Variants in CNBD1 observed in about 807,000 individuals in gnomAD.
CNBD1 encodes cyclic nucleotide-binding domain-containing protein 1.
A neutral mutation model predicts 54.4 loss-of-function variants in CNBD1; 71 were observed. The observed-to-expected ratio is 1.30, with a 90% CI of 1.08 to 1.59. CNBD1 has a LOEUF of 1.59. CNBD1 is among the 40% of genes most tolerant of loss of function. The pLI, the probability that CNBD1 is intolerant of heterozygous loss-of-function variation, is 0.00. For missense variants in CNBD1, 659 were observed against 518.0 expected, an observed-to-expected ratio of 1.27 and a Z score of -2.64; for synonymous variants, 182 against 170.7, an observed-to-expected ratio of 1.07 and a Z score of -0.51.
chr8:87,360,047 G>A (rs1810496638), intron 10 of CNBD1, among the ~76,000 whole-genome samples: 1 of 151,902 alleles, frequency 6.6e-6, no homozygotes, highest in African/African-American at 2.4e-5. Context: ...AGGTATATGG[G>A]TTATACTCTC....
chr8:87,269,770 T>TA (rs1327753687), intron 6 of CNBD1, among the ~76,000 whole-genome samples: 4 of 151,918 alleles, frequency 2.6e-5, no homozygotes, highest in Non-Finnish European at 5.9e-5. Flanking sequence ...GAATCAGCAA[T>TA]AAAAAACCTA....
At chr8:87,105,642 G>A (rs1811518422) in intron 4 of CNBD1, among the ~76,000 whole-genome samples, 1 of 152,128 alleles carries the variant, frequency 6.6e-6, no homozygotes, top group Non-Finnish European at 1.5e-5. Flanking sequence ...TGGGAAAAAA[G>A]CATGGCCTCC....
At chr8:87,425,395 CT>C (rs1804383712) in intron 2 of CNBD1, among the ~76,000 whole-genome samples, 1 of 152,186 alleles carries the variant, frequency 6.6e-6, no homozygotes, top group African/African-American at 2.4e-5. Flanking sequence ...GAGAGGCGCT[CT>C]GATTTTTAGA....
chr8:87,137,799 G>T (rs1279877354), intron 4 of CNBD1, among the ~76,000 whole-genome samples: 1 of 152,132 alleles, frequency 6.6e-6, no homozygotes, highest in Non-Finnish European at 1.5e-5. Context: ...ATAAGGATGG[G>T]ATGTAGAAGG....
At chr8:87,290,465 A>T (rs563256196) in intron 8 of CNBD1, among the ~76,000 whole-genome samples, 1 of 152,222 alleles carries the variant, frequency 6.6e-6, no homozygotes, top group Admixed American at 6.6e-5. Context: ...TACACATATT[A>T]TTTCACACAA....
chr8:87,058,720 G>A (rs1184709451), intron 4 of CNBD1, among the ~76,000 whole-genome samples: 2 of 152,194 alleles, frequency 1.3e-5, no homozygotes, highest in African/African-American at 2.4e-5. Flanking sequence ...CACGCAGTAG[G>A]AAGGCCCTGG....
chr8:87,025,008 G>T (rs1037395687), intron 4 of CNBD1, among the ~76,000 whole-genome samples: 1 of 152,166 alleles, frequency 6.6e-6, no homozygotes. Flanking sequence ...AGGCCAAATT[G>T]TTGGGTGAGA....
At chr8:87,388,773 C>A (rs866981708) in intron 2 of CNBD1, among the ~76,000 whole-genome samples, 1 of 152,158 alleles carries the variant, frequency 6.6e-6, no homozygotes, top group East Asian at 1.9e-4. Context: ...TATCCTGATA[C>A]CAAAGCCGGG....
rs770418979 is a variant in CNBD1, at chr8:86,939,778, T to C, written c.431+24T>C. 118 of 1,365,964 alleles carry C rather than the reference T, an allele frequency of 8.6e-5. 1 individual carries two copies. In the South Asian group the frequency reaches 1.4e-3, roughly 17 times the overall value. 84.6% of individuals were successfully genotyped at this position (1,365,964 alleles called of 1,614,324 possible). ...TTGTAAGTATTTAAAATATATTCCTTCTTCTAATTGAGTAATTCTTTTGAA... is the reference window on the plus strand; with the variant it reads ...TTGTAAGTATTTAAAATATATTCCTCCTTCTAATTGAGTAATTCTTTTGAA... On this transcript the variant is annotated intron_variant, in intron 4 of 10. Coordinates refer to ENST00000518476, the MANE Select transcript of CNBD1 (RefSeq NM_173538.3).
At chr8:87,385,654 G>C (rs13274288), downstream of CNBD1, among the ~76,000 whole-genome samples, 42,688 of 151,986 alleles carry the variant, frequency 0.28, 6,706 homozygotes, top group Middle Eastern at 0.41. Flanking sequence ...CGCAGCACAA[G>C]GAGGCCTACC....
intron 10 of CNBD1, among the ~76,000 whole-genome samples, chr8:87,379,677 A>G (rs901456525): frequency 5.3e-5 from 8 of 151,996 alleles, no homozygotes; most frequent in Non-Finnish European, 8.8e-5. Flanking sequence ...TAATGATGAA[A>G]CATTATTGCA....
chr8:86,875,464 C>T (rs1031169861), intron 1 of CNBD1, among the ~76,000 whole-genome samples: 1 of 152,214 alleles, frequency 6.6e-6, no homozygotes, highest in African/African-American at 2.4e-5. Context: ...TTAGTTACTT[C>T]TGGAATAAGC....
chr8:87,019,501 A>T (rs1038276717), intron 4 of CNBD1, among the ~76,000 whole-genome samples: 1 of 152,214 alleles, frequency 6.6e-6, no homozygotes, highest in African/African-American at 2.4e-5. Flanking sequence ...AACAATTTAA[A>T]CACCAAGAAC....
intron 4 of CNBD1, among the ~76,000 whole-genome samples, chr8:87,026,612 A>G (rs892870794): frequency 2.6e-5 from 4 of 152,234 alleles, no homozygotes; most frequent in Middle Eastern, 6.8e-3. Context: ...TTAGAACAAA[A>G]ATTCACCAAA....
At chr8:87,318,948 C>G (rs1185855718) in intron 8 of CNBD1, among the ~76,000 whole-genome samples, 1 of 151,772 alleles carries the variant, frequency 6.6e-6, no homozygotes, top group African/African-American at 2.4e-5. Flanking sequence ...TAAGGCTCAT[C>G]AGAGAAAAGA....
chr8:87,333,341 C>G (rs1437881920), intron 8 of CNBD1, among the ~76,000 whole-genome samples: 2 of 152,274 alleles, frequency 1.3e-5, no homozygotes, highest in East Asian at 3.9e-4. Context: ...TTTACTTCCT[C>G]TCTTTCTATT....
At chr8:87,343,607 T>C (rs1288118838) in intron 8 of CNBD1, among the ~76,000 whole-genome samples, 1 of 152,212 alleles carries the variant, frequency 6.6e-6, no homozygotes, top group Non-Finnish European at 1.5e-5. Context: ...GTTTAGGCTT[T>C]CAATTAAGGA....
At chr8:86,988,300 T>C (rs1287207605) in intron 4 of CNBD1, among the ~76,000 whole-genome samples, 2 of 152,134 alleles carry the variant, frequency 1.3e-5, no homozygotes, top group African/African-American at 4.8e-5. Context: ...ATTCAGTTGG[T>C]CATAATAGTC....
chr8:86,949,464 C>T (rs1807550515), intron 4 of CNBD1, among the ~76,000 whole-genome samples: 1 of 152,080 alleles, frequency 6.6e-6, no homozygotes, highest in African/African-American at 2.4e-5. Flanking sequence ...ATATATTTCA[C>T]ATATTAGTTA....
Sources: allele counts gnomAD v4.1 joint callset (sites outside exome capture counted in the v4.1 genomes callset), GRCh38; gene constraint gnomAD v4.1.1; transcripts MANE v1.5; gene names NCBI Gene and HGNC (gene_info 2026-07-23, HGNC 2026-07-21).